The following IL1RAPL1 variants were observed in gnomAD, a reference collection of about 807,000 sequenced individuals.
IL1RAPL1 encodes interleukin 1 receptor accessory protein like 1.
A neutral mutation model predicts 48.4 loss-of-function variants in IL1RAPL1; 3 were observed. The observed-to-expected ratio is 0.06, with a 90% CI of 0.03 to 0.16. IL1RAPL1 has a LOEUF of 0.16. Among genes scored for constraint, IL1RAPL1 ranks in the 10% least tolerant of loss-of-function variants. IL1RAPL1 has a pLI of 1.00. For synonymous variants in IL1RAPL1, 185 were observed against 187.7 expected, an observed-to-expected ratio of 0.99 and a Z score of 0.12; for missense variants, 349 against 530.6, an observed-to-expected ratio of 0.66 and a Z score of 3.36.
At chrX:29,785,104 A>G (rs148218206) in intron 6 of IL1RAPL1, among the ~76,000 whole-genome samples, 2,189 of 112,093 alleles carry the variant, frequency 0.02, 52 homozygotes, top group African/African-American at 0.068. Flanking sequence ...TGGAAGCTGA[A>G]ATTTGTTAAT....
rs1207000675 is a variant in IL1RAPL1 at position 28,687,783 on chromosome X, GA to G, written c.-25+99752del. On this transcript the variant is annotated intron_variant, in intron 1 of 10. Transcript: ENST00000378993. ...GGCGACAGAGCGAGACTCCGTCTCA[GA>G]AAAAAAAAAAAAAAATAAAATAAAA... Among the ~76,000 whole-genome samples the G allele has an allele frequency of 8.0e-3, 730 of 91,034 alleles. 10 individuals carry two copies. The highest frequency in any genetic ancestry group is 0.025 in the African/African-American group (646 of 25,470). 79.1% of individuals were successfully genotyped at this position (91,034 alleles called of 115,157 possible).
intron 1 of IL1RAPL1, among the ~76,000 whole-genome samples, chrX:28,691,503 C>A (rs1935178242): frequency 8.9e-6 from 1 of 111,859 alleles, no homozygotes; most frequent in Admixed American, 9.5e-5. Context: ...CTTTGGTGAG[C>A]AGTAATCTCC....
chrX:29,607,097 T>A (rs965832558), intron 5 of IL1RAPL1, among the ~76,000 whole-genome samples: 2 of 112,080 alleles, frequency 1.8e-5, no homozygotes, highest in Non-Finnish European at 3.8e-5. Context: ...ACTAATTTTA[T>A]CATGTAGAGG....
At chrX:28,860,001 A>C (rs1921902098) in intron 2 of IL1RAPL1, among the ~76,000 whole-genome samples, 1 of 111,234 alleles carries the variant, frequency 9.0e-6, no homozygotes, top group African/African-American at 3.3e-5. Flanking sequence ...CACTCACTTC[A>C]TATTAGTAAG....
At chrX:28,944,740 A>G (rs181825518) in intron 2 of IL1RAPL1, among the ~76,000 whole-genome samples, 268 of 110,845 alleles carry the variant, frequency 2.4e-3, no homozygotes, top group Non-Finnish European at 4.1e-3. Context: ...TTCCAAGTGC[A>G]AAAAGAATCA....
Position 29,777,929 on chromosome X carries a change from TGTTTTCATTTATACTATTGTATAAATA to T in IL1RAPL1, c.778+109453_778+109479del, listed in dbSNP as rs1162008387. Among the ~76,000 whole-genome samples, 490 of 109,482 alleles carry T rather than the reference TGTTTTCATTTATACTATTGTATAAATA, an allele frequency of 4.5e-3. 1 individual carries two copies. Among genetic ancestry groups the T allele is most frequent in the Non-Finnish European group, 7.4e-3 (391 of 52,757 alleles). ...TTAGAGGGATTTTATAAATTAATCTTGTTTTCATTTATACTATTGTATAAATAGTTTTCATTTATACTATTGTATAAA... is the reference window on the plus strand; with the variant it reads ...TTAGAGGGATTTTATAAATTAATCTTGTTTTCATTTATACTATTGTATAAA... On this transcript the variant is annotated intron_variant, in intron 6 of 10. Transcript: ENST00000378993.
intron 1 of IL1RAPL1, among the ~76,000 whole-genome samples, chrX:28,700,122 A>G (rs889936426): frequency 9.0e-6 from 1 of 111,554 alleles, no homozygotes; most frequent in African/African-American, 3.3e-5. Flanking sequence ...TAAAAGTATT[A>G]TTTAAGGGAA....
intron 2 of IL1RAPL1, among the ~76,000 whole-genome samples, chrX:28,852,742 A>C (rs758639939): frequency 3.6e-5 from 4 of 111,662 alleles, no homozygotes; most frequent in East Asian, 5.6e-4. Context: ...CAGTCATCAG[A>C]ATCCACAGAA....
chrX:29,668,653 A>C (rs760042888), intron 6 of IL1RAPL1, 149 bp downstream of exon 6: 1 of 505,305 alleles, frequency 2.0e-6, no homozygotes, highest in Admixed American at 2.8e-5. Context: ...ATACCTAGCC[A>C]TTTCATTCCT....
At chrX:28,778,108 T>G in intron 1 of IL1RAPL1, among the ~76,000 whole-genome samples, 1 of 111,831 alleles carries the variant, frequency 8.9e-6, no homozygotes, top group Non-Finnish European at 1.9e-5. Flanking sequence ...GCCTTAGCTT[T>G]TCTCCCATTA....
At chrX:28,800,983 A>G (rs1185082977) in intron 2 of IL1RAPL1, among the ~76,000 whole-genome samples, 1 of 108,525 alleles carries the variant, frequency 9.2e-6, no homozygotes, top group Non-Finnish European at 1.9e-5. Flanking sequence ...CAGAGTTCAA[A>G]TGATTCTCCT....
At chrX:29,595,645 T>C (rs1253176332) in intron 5 of IL1RAPL1, among the ~76,000 whole-genome samples, 3 of 112,316 alleles carry the variant, frequency 2.7e-5, no homozygotes, top group Middle Eastern at 4.6e-3. Context: ...ATTAGTCCTT[T>C]GTTTCATGTA....
At chrX:29,421,619 C>T (rs896630286) in intron 5 of IL1RAPL1, among the ~76,000 whole-genome samples, 2 of 110,699 alleles carry the variant, frequency 1.8e-5, no homozygotes, top group Non-Finnish European at 3.8e-5. Flanking sequence ...AAAAAAAAAT[C>T]TCTGGTCTGG....
chrX:29,891,229 ATAAT>A (rs1932271010), intron 6 of IL1RAPL1, among the ~76,000 whole-genome samples: 1 of 105,502 alleles, frequency 9.5e-6, no homozygotes, highest in African/African-American at 3.6e-5. Flanking sequence ...TTCAAATCAA[ATAAT>A]TAAGAATAAC....
chrX:29,221,074 C>G (rs986138682), intron 2 of IL1RAPL1, among the ~76,000 whole-genome samples: 1 of 111,158 alleles, frequency 9.0e-6, no homozygotes, highest in African/African-American at 3.3e-5. Context: ...CACCCGCCAC[C>G]ACGCCCAGCT....
At chrX:29,465,603 G>A (rs1241830201) in intron 5 of IL1RAPL1, among the ~76,000 whole-genome samples, 1 of 111,010 alleles carries the variant, frequency 9.0e-6, no homozygotes, top group Non-Finnish European at 1.9e-5. Flanking sequence ...CCACTCCCAG[G>A]GATTCAGATT....
chrX:28,780,907 TATTA>T (rs1206580794), intron 1 of IL1RAPL1, among the ~76,000 whole-genome samples: 1 of 111,207 alleles, frequency 9.0e-6, no homozygotes, highest in Non-Finnish European at 1.9e-5. Context: ...TTTTGCAAAT[TATTA>T]ATTTCAGAAG....
chrX:29,722,158 C>T (rs1158134771), intron 6 of IL1RAPL1, among the ~76,000 whole-genome samples: 1 of 111,488 alleles, frequency 9.0e-6, no homozygotes, highest in Non-Finnish European at 1.9e-5. Context: ...TTAACATTTA[C>T]CTTCCCACAT....
intron 5 of IL1RAPL1, among the ~76,000 whole-genome samples, chrX:29,462,767 C>A (rs1036702172): frequency 6.3e-5 from 7 of 111,664 alleles, no homozygotes; most frequent in African/African-American, 2.3e-4. Context: ...TTAAATCATC[C>A]CACAAGAGAT....
Sources: gnomAD v4.1 joint callset for allele counts (sites outside exome capture counted in the v4.1 genomes callset) on GRCh38, gnomAD v4.1.1 for gene constraint, MANE v1.5 for transcripts, NCBI Gene and HGNC (gene_info 2026-07-23, HGNC 2026-07-21) for gene names.